PRKAA2: variants seen among roughly 807,000 people sequenced by gnomAD.
PRKAA2 encodes the protein protein kinase AMP-activated catalytic subunit alpha 2.
A neutral mutation model predicts 56.3 loss-of-function variants in PRKAA2; 40 were observed. The observed-to-expected ratio is 0.71, with a 90% CI of 0.55 to 0.92. PRKAA2 has a LOEUF of 0.92. Ranked by LOEUF, PRKAA2 falls within the 40% of genes least tolerant of loss-of-function variation. The pLI, the probability that PRKAA2 is intolerant of heterozygous loss-of-function variation, is 0.00. For missense variants in PRKAA2, 542 were observed against 686.9 expected (o/e 0.79, Z 2.36); for synonymous variants, 214 against 234.2 (o/e 0.91, Z 0.79).
rs1311586986 is a variant in PRKAA2, at chr1:56,713,152, T to C, written c.*5439T>C. 6.6e-6 allele frequency: 1 copy of C among 152,184 alleles called. No individual in the cohort carries two copies. 9.4% of individuals were successfully genotyped at this position (152,184 alleles called of 1,614,324 possible). ...AGTTGCTGGCATCATTACTAGCCTTTCCACCTATAATTATGATGCATTTGA... is the reference window on the plus strand; with the variant it reads ...AGTTGCTGGCATCATTACTAGCCTTCCCACCTATAATTATGATGCATTTGA... On this transcript the variant is annotated 3_prime_UTR_variant, in exon 9 of 9. Transcript: ENST00000371244.
In PRKAA2 at chr1:56,712,930, T is replaced by A. The variant is rs1286102612; in HGVS notation, c.*5217T>A. 6.6e-6 allele frequency: 1 copy of A among 152,186 alleles called. No homozygotes were observed. Among genetic ancestry groups the A allele is most frequent in the Non-Finnish European group, 1.5e-5 (1 of 68,034 alleles). The allele number at this position is 152,186 out of a possible 1,614,324, so 9.4% of individuals were successfully genotyped here. A position where few individuals can be genotyped will look rare whatever the true frequency, so the allele number is the denominator to read the frequency against. On this transcript the variant is annotated 3_prime_UTR_variant, in exon 9 of 9. Coordinates refer to ENST00000371244, the MANE Select transcript of PRKAA2 (RefSeq NM_006252.4). ...TATAGTTTTTGACTATTATCTGAATTAGTCTTATCCAAATTTCATATGCAG... is the reference window on the plus strand; with the variant it reads ...TATAGTTTTTGACTATTATCTGAATAAGTCTTATCCAAATTTCATATGCAG...
rs1335120041 is a variant in PRKAA2 at position 56,709,196 on chromosome 1, C to A, written c.*1483C>A. 6.6e-6 allele frequency: 1 copy of A among 152,024 alleles called. No individual in the cohort carries two copies. Among genetic ancestry groups the A allele is most frequent in the East Asian group, 1.9e-4 (1 of 5,192 alleles). 9.4% of individuals were successfully genotyped at this position (152,024 alleles called of 1,614,324 possible). ...CATTACCTTGACAGGCTTCTCTTTG[C>A]CAAAAGTAATGTATGTTCTGCCAAG... On this transcript the variant is annotated 3_prime_UTR_variant, in exon 9 of 9. Transcript: ENST00000371244.
chr1:56,692,534 C>T, intron 4 of PRKAA2, 32 bp downstream of exon 4: 1 of 1,598,170 alleles, frequency 6.3e-7, no homozygotes, highest in East Asian at 2.2e-5. Flanking sequence ...CAGAAAGGTA[C>T]TAGCTACCTT....
rs575877015 is a variant in PRKAA2 at position 56,675,165 on chromosome 1, TTGTGCAATAA to T, written c.236+648_236+657del. ...AGACCCTAGAAAATTTAAATATTCA[TTGTGCAATAA>T]TGTGTTTCTTTCAGTCATTTAAAGT... On this transcript the variant is annotated intron_variant, in intron 2 of 8. Coordinates refer to ENST00000371244, the MANE Select transcript of PRKAA2 (RefSeq NM_006252.4). Among the ~76,000 whole-genome samples the T allele has an allele frequency of 3.3e-3, 507 of 152,270 alleles. 7 individuals carry two copies. The highest frequency in any genetic ancestry group is 0.012 in the African/African-American group (481 of 41,588).
chr1:56,655,249 A>T (rs1250991743), intron 1 of PRKAA2, among the ~76,000 whole-genome samples: 1 of 101,684 alleles, frequency 9.8e-6, no homozygotes, highest in Non-Finnish European at 1.9e-5. Context: ...TGTTTCTCAC[A>T]ATGTATGTAT....
chr1:56,645,707 G>A (rs1473895206), intron 1 of PRKAA2, among the ~76,000 whole-genome samples: 1 of 152,086 alleles, frequency 6.6e-6, no homozygotes, highest in Non-Finnish European at 1.5e-5. Context: ...TGTGAGCTGA[G>A]GATGGGCGTC....
intron 7 of PRKAA2, among the ~76,000 whole-genome samples, chr1:56,705,757 A>C (rs550694792): frequency 6.6e-6 from 1 of 152,314 alleles, no homozygotes; most frequent in African/African-American, 2.4e-5. Context: ...GAGACTGGAC[A>C]ACCAAATTAG....
rs184893223 is a variant in PRKAA2, at chr1:56,695,222, G to T, written c.564-713G>T. ...TATATATTTTTTGTTTTGAGATAGA[G>T]TCTCGCTCTGTCACCTAGGCTAGAG... On this transcript the variant is annotated intron_variant, in intron 5 of 8. Coordinates refer to ENST00000371244, the MANE Select transcript of PRKAA2 (RefSeq NM_006252.4). 8.2e-5 allele frequency among the ~76,000 whole-genome samples: 12 copies of T among 145,656 alleles called. 1 individual carries two copies. Among genetic ancestry groups the T allele is most frequent in the African/African-American group, 3.2e-4 (12 of 37,034 alleles).
At position 56,707,403 on chromosome 1, in the gene PRKAA2, A is replaced by G. The variant is rs1437314202; in HGVS notation, c.1421-72A>G. On this transcript the variant is annotated intron_variant, in intron 8 of 8. Transcript: ENST00000371244. ...GATGTGTTTACTTAATATTCTGAATATCATAAATTCATAGGAAGGGCTTGG... is the reference window on the plus strand; with the variant it reads ...GATGTGTTTACTTAATATTCTGAATGTCATAAATTCATAGGAAGGGCTTGG... 7 of 1,246,970 alleles carry G rather than the reference A, an allele frequency of 5.6e-6. No homozygotes were observed. The African/African-American group carries it at 7.5e-5, about 13-fold the overall frequency. 77.2% of individuals were successfully genotyped at this position (1,246,970 alleles called of 1,614,324 possible).
chr1:56,695,913 G>T lies in PRKAA2; in HGVS notation c.564-22G>T, dbSNP rs570234513. On this transcript the variant is annotated intron_variant, in intron 5 of 8. Coordinates refer to ENST00000371244, the MANE Select transcript of PRKAA2 (RefSeq NM_006252.4). ...AAAGTGATTCTTGCATTTCAGGTTT[G>T]TGTTGTCATCTTTTTTCTTAGATTG... is the stretch of plus-strand genomic sequence containing the variant. 26 of 1,595,744 alleles carry T rather than the reference G, an allele frequency of 1.6e-5. No individual in the cohort carries two copies. In the South Asian group the frequency reaches 2.8e-4, roughly 17 times the overall value.
At chr1:56,680,064 A>G (rs906736163) in intron 2 of PRKAA2, among the ~76,000 whole-genome samples, 1 of 152,180 alleles carries the variant, frequency 6.6e-6, no homozygotes, top group East Asian at 1.9e-4. Flanking sequence ...CTTCTGCTCA[A>G]CAGTGGGCTA....
At chr1:56,661,941 G>A (rs1557545542) in intron 1 of PRKAA2, among the ~76,000 whole-genome samples, 1 of 151,792 alleles carries the variant, frequency 6.6e-6, no homozygotes, top group Non-Finnish European at 1.5e-5. Flanking sequence ...TCTTCACTAT[G>A]TTGTAACTAT....
At chr1:56,689,385 T>C (rs11206904) in intron 2 of PRKAA2, among the ~76,000 whole-genome samples, 2,988 of 152,302 alleles carry the variant, frequency 0.02, 111 homozygotes, top group African/African-American at 0.068. Context: ...TAGAATACCT[T>C]GCCATGTTTC....
intron 1 of PRKAA2, 62 bp downstream of exon 1, chr1:56,645,543 A>G: frequency 7.2e-7 from 1 of 1,388,614 alleles, no homozygotes; most frequent in Non-Finnish European, 9.5e-7. Context: ...CCGAGGGGAG[A>G]GGCGGGAGCC....
intron 2 of PRKAA2, among the ~76,000 whole-genome samples, chr1:56,677,017 A>G (rs1261458097): frequency 1.3e-5 from 2 of 152,226 alleles, no homozygotes; most frequent in Non-Finnish European, 2.9e-5. Flanking sequence ...TCCAGGACCT[A>G]TGTATTAGAT....
At position 56,693,652 on chromosome 1, in the gene PRKAA2, TA is replaced by T. The variant is rs72195100; in HGVS notation, c.476-104del. 5,626 of 595,194 alleles carry T rather than the reference TA, an allele frequency of 9.5e-3. 197 individuals are homozygous for T. The highest frequency in any genetic ancestry group is 0.082 in the African/African-American group (4,314 of 52,306). The allele number at this position is 595,194 out of a possible 1,614,324, so 36.9% of individuals were successfully genotyped here. A position where few individuals can be genotyped will look rare whatever the true frequency, so the allele number is the denominator to read the frequency against. On this transcript the variant is annotated intron_variant, in intron 4 of 8. Transcript: ENST00000371244. ...TTTCCACTGCTTTTTTTTAATAACT[TA>T]AAAAAAAATGATATATGGAGGATCC...
Position 56,690,164 on chromosome 1 carries a change from C to G in PRKAA2, c.237-1230C>G, listed in dbSNP as rs896296930. Among the ~76,000 whole-genome samples, 3 of 141,256 alleles carry G rather than the reference C, an allele frequency of 2.1e-5. No homozygotes were observed. The South Asian group carries it at 6.7e-4, about 32-fold the overall frequency. The allele number at this position is 141,256 out of a possible 152,430, so 92.7% of individuals were successfully genotyped here. On this transcript the variant is annotated intron_variant, in intron 2 of 8. Coordinates refer to ENST00000371244, the MANE Select transcript of PRKAA2 (RefSeq NM_006252.4). Reference sequence around the variant, plus strand: ...TAACATAAGCATAGTATCATCACATCTTTTTTTTTTTTTTTTTGAAGCGGA... The same window carrying G: ...TAACATAAGCATAGTATCATCACATGTTTTTTTTTTTTTTTTTGAAGCGGA...
In PRKAA2 at chr1:56,645,354, G is replaced by GGCAGGCGGTGGAGCGAGGCC; in HGVS notation, c.-31_-12dup. ...GGCGGCGGCGGCGGCTACGCGGAGCGGCAGGCGGTGGAGCGAGGCCGCGCG... is the reference window on the plus strand; with the variant it reads ...GGCGGCGGCGGCGGCTACGCGGAGCGGCAGGCGGTGGAGCGAGGCCGCAGGCGGTGGAGCGAGGCCGCGCG... On this transcript the variant is annotated 5_prime_UTR_variant, in exon 1 of 9. Coordinates refer to ENST00000371244, the MANE Select transcript of PRKAA2 (RefSeq NM_006252.4). 7.0e-7 allele frequency: 1 copy of GGCAGGCGGTGGAGCGAGGCC among 1,430,230 alleles called. No homozygotes were observed. Among genetic ancestry groups the GGCAGGCGGTGGAGCGAGGCC allele is most frequent in the Non-Finnish European group, 9.3e-7 (1 of 1,078,594 alleles). 88.6% of individuals were successfully genotyped at this position (1,430,230 alleles called of 1,614,324 possible). A position where few individuals can be genotyped will look rare whatever the true frequency, so the allele number is the denominator to read the frequency against.
chr1:56,698,385 G>T (rs1644273153), intron 6 of PRKAA2, among the ~76,000 whole-genome samples: 1 of 152,078 alleles, frequency 6.6e-6, no homozygotes, highest in Admixed American at 6.6e-5. Flanking sequence ...TGAAACTGAA[G>T]CTCAGAAAGG....
Sources: gnomAD v4.1 joint callset for allele counts (sites outside exome capture counted in the v4.1 genomes callset) on GRCh38, gnomAD v4.1.1 for gene constraint, MANE v1.5 for transcripts, NCBI Gene and HGNC (gene_info 2026-07-23, HGNC 2026-07-21) for gene names.